SNED1: variants seen among roughly 807,000 people sequenced by gnomAD.
The protein encoded by SNED1 is sushi, nidogen and EGF-like domain-containing protein 1.
A neutral mutation model predicts 166.7 loss-of-function variants in SNED1; 81 were observed. The ratio of observed to expected loss-of-function variants is 0.49; its 90% CI spans 0.41 to 0.58. The LOEUF is 0.58. Among genes scored for constraint, SNED1 ranks in the 20% least tolerant of loss-of-function variants. The pLI, the probability that SNED1 is intolerant of heterozygous loss-of-function variation, is 0.00. For synonymous variants in SNED1, 762 were observed against 822.0 expected (o/e 0.93, Z 1.25); for missense variants, 1,604 against 2,000.2 (o/e 0.80, Z 3.78).
chr2:240,998,468 G>C (rs1395941681), upstream of SNED1, among the ~76,000 whole-genome samples: 1 of 152,152 alleles, frequency 6.6e-6, no homozygotes, highest in Non-Finnish European at 1.5e-5. Flanking sequence ...CCCTCACCTT[G>C]CCTGTGCCCA....
intron 1 of SNED1, among the ~76,000 whole-genome samples, chr2:241,029,334 C>G (rs1249611307): frequency 6.6e-6 from 1 of 152,236 alleles, no homozygotes; most frequent in Non-Finnish European, 1.5e-5. Flanking sequence ...GTCAGTCAGC[C>G]TCAGTGACTG....
chr2:241,033,970 GGCAGATCCCCCA>G, intron 3 of SNED1, 95 bp downstream of exon 3: 3 of 1,433,984 alleles, frequency 2.1e-6, no homozygotes, highest in Non-Finnish European at 2.8e-6. Context: ...GCTCACCATA[GGCAGATCCCCCA>G]GTACCGTGCA....
At chr2:241,052,907 GA>G (rs1197131426) in intron 15 of SNED1, among the ~76,000 whole-genome samples, 2 of 152,032 alleles carry the variant, frequency 1.3e-5, no homozygotes, top group African/African-American at 4.8e-5. Flanking sequence ...GAGAGGGCTA[GA>G]GGGGGGTCAA....
At chr2:241,048,614 A>T in intron 9 of SNED1, 48 bp from the exon 10 acceptor site, 1 of 1,544,336 alleles carries the variant, frequency 6.5e-7, no homozygotes, top group Middle Eastern at 1.7e-4. Context: ...CGAGGGTGCC[A>T]TCTTTCTGCG....
At chr2:241,043,938 GAA>G (rs2061578918) in intron 8 of SNED1, among the ~76,000 whole-genome samples, 1 of 152,172 alleles carries the variant, frequency 6.6e-6, no homozygotes, top group Admixed American at 6.5e-5. Flanking sequence ...AAGATAAGAA[GAA>G]ATGGAAGTAT....
rs750060497 is a variant in SNED1 at position 241,071,972 on chromosome 2, C to T, written c.3817+94C>T. Reference sequence around the variant, plus strand: ...CCTGTCCCCTACATGATGAGCCCACCCCCACCGCCAGCGCAGTCTCCAGCC... The same window carrying T: ...CCTGTCCCCTACATGATGAGCCCACTCCCACCGCCAGCGCAGTCTCCAGCC... On this transcript the variant is annotated intron_variant, in intron 26 of 31. Transcript: ENST00000310397. 5.6e-6 allele frequency: 6 copies of T among 1,068,938 alleles called. No individual in the cohort carries two copies. The Admixed American group carries it at 1.2e-4, about 21-fold the overall frequency. 66.2% of individuals were successfully genotyped at this position (1,068,938 alleles called of 1,614,324 possible). A position where few individuals can be genotyped will look rare whatever the true frequency, so the allele number is the denominator to read the frequency against.
intron 1 of SNED1, among the ~76,000 whole-genome samples, chr2:241,001,977 C>G (rs1286527681): frequency 1.3e-5 from 2 of 152,206 alleles, no homozygotes; most frequent in East Asian, 3.8e-4. Flanking sequence ...GGCTTCGTGC[C>G]ACACCGCAAG....
intron 8 of SNED1, among the ~76,000 whole-genome samples, chr2:241,044,737 C>T (rs1295041241): frequency 6.6e-6 from 1 of 152,172 alleles, no homozygotes; most frequent in Non-Finnish European, 1.5e-5. Flanking sequence ...CCTTCCTCTC[C>T]AGTTGGAGGT....
At position 241,073,109 on chromosome 2, in the gene SNED1, C is replaced by T; in HGVS notation, c.3818-157C>T. ...GAGGCCAGCCCTTCAGGGGAGGCAGCTCTGGGGCCGACAGGTGCTGGGGCC... is the reference window on the plus strand; with the variant it reads ...GAGGCCAGCCCTTCAGGGGAGGCAGTTCTGGGGCCGACAGGTGCTGGGGCC... On this transcript the variant is annotated intron_variant, in intron 26 of 31. Coordinates refer to ENST00000310397, the MANE Select transcript of SNED1 (RefSeq NM_001080437.3). The surrounding 1 kb of genome is among the most constrained non-coding windows in gnomAD (Gnocchi z 6.6). 1.7e-6 allele frequency: 1 copy of T among 603,084 alleles called. No individual in the cohort carries two copies. Among genetic ancestry groups the T allele is most frequent in the East Asian group, 2.8e-5 (1 of 35,936 alleles). 37.4% of individuals were successfully genotyped at this position (603,084 alleles called of 1,614,324 possible).
At chr2:241,090,675 T>A (rs1464586517) in intron 31 of SNED1, among the ~76,000 whole-genome samples, 1 of 152,148 alleles carries the variant, frequency 6.6e-6, no homozygotes, top group Non-Finnish European at 1.5e-5. Flanking sequence ...GAGACCAGCC[T>A]GGCCAACATG....
chr2:241,044,816 C>T (rs537241132), intron 8 of SNED1, among the ~76,000 whole-genome samples: 9 of 152,212 alleles, frequency 5.9e-5, no homozygotes, highest in African/African-American at 2.2e-4. Context: ...TCTGTCATCC[C>T]ATTACTTGGT....
rs2061857825 is a variant in SNED1 at position 241,051,969 on chromosome 2, C to T, written c.1853-72C>T. The T allele has an allele frequency of 6.6e-7, 1 of 1,509,174 alleles. No individual in the cohort carries two copies. Among genetic ancestry groups the T allele is most frequent in the South Asian group, 1.2e-5 (1 of 85,708 alleles). The allele number at this position is 1,509,174 out of a possible 1,614,324, so 93.5% of individuals were successfully genotyped here. A position where few individuals can be genotyped will look rare whatever the true frequency, so the allele number is the denominator to read the frequency against. Reference sequence around the variant, plus strand: ...TGTGGGTCTGCTTCTCATGAAGAGGCCCCAGCTCTGGGATGTTGGGGAACG... The same window carrying T: ...TGTGGGTCTGCTTCTCATGAAGAGGTCCCAGCTCTGGGATGTTGGGGAACG... On this transcript the variant is annotated intron_variant, in intron 13 of 31. Coordinates refer to ENST00000310397, the MANE Select transcript of SNED1 (RefSeq NM_001080437.3). This position sits in a 1 kb window ranked among gnomAD's most constrained non-coding sequence, Gnocchi z 4.7.
chr2:241,079,062 C>T (rs1478102205), intron 27 of SNED1, among the ~76,000 whole-genome samples: 13 of 142,616 alleles, frequency 9.1e-5, no homozygotes, highest in Middle Eastern at 3.8e-3. Flanking sequence ...TGCAGCGAGC[C>T]GAGATCGCAC....
Position 241,073,262 on chromosome 2 carries a change from C to T in SNED1, c.3818-4C>T. The T allele has an allele frequency of 1.9e-6, 3 of 1,553,916 alleles. No individual in the cohort carries two copies. ...CCGTGTGGTCACCGCCTGGCTTCTCCTAGAACCCACAGCCTCGGCGCAGCT... is the reference window on the plus strand; with the variant it reads ...CCGTGTGGTCACCGCCTGGCTTCTCTTAGAACCCACAGCCTCGGCGCAGCT... On this transcript the variant is annotated splice_polypyrimidine_tract_variant and splice_region_variant and intron_variant, in intron 26 of 31. Coordinates refer to ENST00000310397, the MANE Select transcript of SNED1 (RefSeq NM_001080437.3). The surrounding 1 kb of genome is among the most constrained non-coding windows in gnomAD (Gnocchi z 6.6).
intron 8 of SNED1, 107 bp from the exon 9 acceptor site, chr2:241,048,208 G>A (rs1314916737): frequency 1.5e-6 from 2 of 1,305,184 alleles, no homozygotes; most frequent in Non-Finnish European, 2.0e-6. Flanking sequence ...TTCCACTTGG[G>A]AATGACAACA....
At chr2:241,079,276 G>A (rs2063207347) in intron 27 of SNED1, among the ~76,000 whole-genome samples, 1 of 151,674 alleles carries the variant, frequency 6.6e-6, no homozygotes, top group South Asian at 2.1e-4. Flanking sequence ...GCCGGGCGCA[G>A]TGGCAGGCGC....
At chr2:241,079,709 C>G (rs1025001528) in intron 27 of SNED1, among the ~76,000 whole-genome samples, 7 of 151,948 alleles carry the variant, frequency 4.6e-5, no homozygotes, top group Non-Finnish European at 1.0e-4. Context: ...ATAAGTAAAC[C>G]TAGTTATCAT....
chr2:241,073,231 G>C lies in SNED1; in HGVS notation c.3818-35G>C. 6.7e-7 allele frequency: 1 copy of C among 1,496,120 alleles called. No homozygotes were observed. The highest frequency in any genetic ancestry group is 1.4e-5 in the African/African-American group (1 of 72,024). The allele number at this position is 1,496,120 out of a possible 1,614,324, so 92.7% of individuals were successfully genotyped here. ...CCAGGACCATCCCGGGTGCAAAGCA[G>C]CTGCGCCGTGTGGTCACCGCCTGGC... is the stretch of plus-strand genomic sequence containing the variant. On this transcript the variant is annotated intron_variant, in intron 26 of 31. Coordinates refer to ENST00000310397, the MANE Select transcript of SNED1 (RefSeq NM_001080437.3). The surrounding 1 kb of genome is among the most constrained non-coding windows in gnomAD (Gnocchi z 6.6).
Position 241,067,910 on chromosome 2 carries a change from A to G in SNED1, c.3157A>G (p.Thr1053Ala). Residue 1053 changes from threonine (T) to alanine (A), a missense_variant, in exon 22 of 32, where the codon ACC becomes GCC. Physicochemically the swap from Thr to Ala is moderately conservative, Grantham distance 58. This residue lies in a region of SNED1 where 1,237 missense variants were observed against 1,620.8 expected (regional missense o/e 0.76). Transcript: ENST00000310397. ...CCCTGAGGCCCTCAGGGACCAGGCCACCGATGTGGACAGGAGTGTGGACAG... is the reference window on the plus strand; with the variant it reads ...CCCTGAGGCCCTCAGGGACCAGGCCGCCGATGTGGACAGGAGTGTGGACAG... Reference protein sequence around the residue: ...RHPEALRDQATDVDRSVDRFT... With the variant: ...RHPEALRDQAADVDRSVDRFT... The G allele has an allele frequency of 3.1e-6, 5 of 1,613,232 alleles. No homozygotes were observed. Among genetic ancestry groups the G allele is most frequent in the Non-Finnish European group, 4.2e-6 (5 of 1,179,738 alleles).
Sources: allele counts gnomAD v4.1 joint callset (sites outside exome capture counted in the v4.1 genomes callset), GRCh38; gene constraint gnomAD v4.1.1; regional missense constraint gnomAD v4.1.1; non-coding constraint Gnocchi (gnomAD v3.1); transcripts MANE v1.5; gene names NCBI Gene and HGNC (gene_info 2026-07-23, HGNC 2026-07-21).